Variants in HARS1 observed in about 807,000 individuals in gnomAD.
HARS1 encodes histidine--tRNA ligase, cytoplasmic.
A neutral mutation model predicts 63.6 loss-of-function variants in HARS1; 45 were observed. That is an observed-to-expected ratio of 0.71 (90% CI 0.56 to 0.91). The LOEUF is 0.91. Ranked by LOEUF, HARS1 falls within the 40% of genes least tolerant of loss-of-function variation. The pLI is 0.00. For synonymous variants in HARS1, 205 were observed against 247.1 expected (o/e 0.83, Z 1.60); for missense variants, 508 against 643.2 (o/e 0.79, Z 2.27).
chr5:140,686,506 TG>T (rs1161246074), intron 2 of HARS1, among the ~76,000 whole-genome samples: 1 of 151,918 alleles, frequency 6.6e-6, no homozygotes, highest in African/African-American at 2.4e-5. Context: ...CTCAAAGTGC[TG>T]GGATTACAGG....
intron 11 of HARS1, 34 bp downstream of exon 11, chr5:140,674,981 TAA>T: frequency 1.3e-6 from 2 of 1,507,164 alleles, no homozygotes; most frequent in South Asian, 2.2e-5. Flanking sequence ...CCAGCACACC[TAA>T]GTTTGCTGCC....
chr5:140,686,071 A>G (rs1759008323), intron 2 of HARS1, among the ~76,000 whole-genome samples: 2 of 150,202 alleles, frequency 1.3e-5, no homozygotes, highest in African/African-American at 4.9e-5. Context: ...CTGGGACTAC[A>G]TACAGGCGCG....
chr5:140,690,471 T>C (rs866294455), intron 2 of HARS1, among the ~76,000 whole-genome samples: 2 of 151,956 alleles, frequency 1.3e-5, no homozygotes, highest in Middle Eastern at 3.4e-3. Flanking sequence ...AAAAAATCTG[T>C]GTGGGATTAT....
chr5:140,677,252 T>C, intron 8 of HARS1, 75 bp downstream of exon 8: 2 of 1,394,388 alleles, frequency 1.4e-6, no homozygotes, highest in Non-Finnish European at 2.0e-6. Context: ...CCTACATACA[T>C]AACACAGAAC....
At chr5:140,677,219 A>C (rs369270169) in intron 8 of HARS1, 103 bp from the exon 9 acceptor site, 5 of 1,395,502 alleles carry the variant, frequency 3.6e-6, no homozygotes, top group East Asian at 2.3e-5. Flanking sequence ...GTGTGTGTAC[A>C]TATGCATAGA....
chr5:140,680,692 A>C lies in HARS1; in HGVS notation c.301-809T>G, dbSNP rs372907909. ...AACCCTGTCTCTACTAAAAATACAA[A>C]ATTAGCTGGGGGAGCTGGTAGGCAT... On this transcript the variant is annotated intron_variant, in intron 3 of 12. Coordinates refer to ENST00000504156, the MANE Select transcript of HARS1 (RefSeq NM_002109.6). Among the ~76,000 whole-genome samples the C allele has an allele frequency of 2.4e-4, 36 of 152,130 alleles. No individual in the cohort carries two copies. The East Asian group carries it at 6.2e-3, about 26-fold the overall frequency.
chr5:140,690,804 G>A (rs781740447), intron 2 of HARS1, 51 bp downstream of exon 2: 5 of 1,014,462 alleles, frequency 4.9e-6, no homozygotes, highest in African/African-American at 4.7e-5. Flanking sequence ...TAAGCGCCCC[G>A]TGAGTAGAGT....
At chr5:140,690,722 G>A (rs1759359730) in intron 2 of HARS1, 133 bp downstream of exon 2, 3 of 669,880 alleles carry the variant, frequency 4.5e-6, no homozygotes, top group East Asian at 2.6e-5. Flanking sequence ...CCAGCCCAGC[G>A]CCCAGAGCGA....
intron 1 of HARS1, 104 bp downstream of exon 1, chr5:140,691,111 A>G: frequency 2.0e-6 from 2 of 1,002,256 alleles, no homozygotes; most frequent in East Asian, 2.5e-5. Flanking sequence ...CCTCCCTACA[A>G]GACTGGTCGC....
chr5:140,680,734 G>T (rs996027196), intron 3 of HARS1, among the ~76,000 whole-genome samples: 1 of 151,588 alleles, frequency 6.6e-6, no homozygotes, highest in Non-Finnish European at 1.5e-5. Flanking sequence ...CCAGCTATTC[G>T]GAGGCTTAGG....
intron 2 of HARS1, chr5:140,684,693 C>T (rs1189468143): frequency 6.6e-6 from 1 of 152,206 alleles, no homozygotes; most frequent in African/African-American, 2.4e-5. Flanking sequence ...CCTCTTTACA[C>T]TCTTACTATG....
At chr5:140,684,439 A>G (rs1190659195) in intron 2 of HARS1, 1 of 978,690 alleles carries the variant, frequency 1.0e-6, no homozygotes, top group Non-Finnish European at 1.2e-6. Flanking sequence ...CTCTCCCAAT[A>G]TAACTTTTCT....
At chr5:140,687,691 TAC>T (rs1356844428) in intron 2 of HARS1, 1 of 152,244 alleles carries the variant, frequency 6.6e-6, no homozygotes, top group East Asian at 1.9e-4. Flanking sequence ...TGGCTATTAG[TAC>T]AGTTTAGTGT....
chr5:140,679,088 T>C lies in HARS1; in HGVS notation c.436A>G (p.Asn146Asp), dbSNP rs748323161. 4 of 1,614,082 alleles carry C rather than the reference T, an allele frequency of 2.5e-6. No homozygotes were observed. The highest frequency in any genetic ancestry group is 2.2e-5 in the South Asian group (2 of 91,086). ...ARYLAMNKLT[N>D]IKRYHIAKVY... ...TTTGCTATGTGGTAGCGTTTAATGT[T>C]GGTCAGTTTATTCATTGCCAAATAC... The change falls in exon 5 of 13, where the codon AAC becomes GAC. Residue 146 changes from asparagine to aspartate, a missense_variant. By Grantham distance (23) the Asn-to-Asp change is conservative (BLOSUM62 1). This residue lies in a region of HARS1 where 403 missense variants were observed against 548.7 expected (regional missense o/e 0.73). Transcript: ENST00000504156. The surrounding 1 kb of genome is among the most constrained non-coding windows in gnomAD (Gnocchi z 4.3).
chr5:140,677,548 C>T, intron 7 of HARS1, 107 bp downstream of exon 7: 1 of 1,055,698 alleles, frequency 9.5e-7, no homozygotes, highest in Non-Finnish European at 1.5e-6. Context: ...GGCTAACCTT[C>T]CTCTGGTGGG....
At chr5:140,686,624 T>A (rs1759048985) in intron 2 of HARS1, among the ~76,000 whole-genome samples, 1 of 150,714 alleles carries the variant, frequency 6.6e-6, no homozygotes, top group Non-Finnish European at 1.5e-5. Flanking sequence ...TTTTTTGAGA[T>A]GTAGTTTCAC....
At chr5:140,674,366 T>C in intron 12 of HARS1, 38 bp from the exon 13 acceptor site, 1 of 1,339,742 alleles carries the variant, frequency 7.5e-7, no homozygotes, top group Admixed American at 1.7e-5. Context: ...ATAAGCATCT[T>C]CCATTCCACT....
chr5:140,691,156 C>CT lies in HARS1; in HGVS notation c.90+58dup, dbSNP rs1006876948. On this transcript the variant is annotated intron_variant, in intron 1 of 12. Transcript: ENST00000504156. ...ATCTCTACCCTATGTCCCGAACACC[C>CT]TGGCTTTACGTCCTCCCAGGCTTTG... 36 of 1,321,782 alleles carry CT rather than the reference C, an allele frequency of 2.7e-5. No homozygotes were observed. The African/African-American group carries it at 5.2e-4, about 19-fold the overall frequency. 81.9% of individuals were successfully genotyped at this position (1,321,782 alleles called of 1,614,324 possible).
chr5:140,686,555 T>C (rs1759044380), intron 2 of HARS1, among the ~76,000 whole-genome samples: 1 of 150,926 alleles, frequency 6.6e-6, no homozygotes, highest in African/African-American at 2.4e-5. Context: ...TCTTTAATTA[T>C]TGGGAAGCTG....
Sources: gnomAD v4.1 joint callset for allele counts (sites outside exome capture counted in the v4.1 genomes callset) on GRCh38, gnomAD v4.1.1 for gene constraint, gnomAD v4.1.1 regional missense constraint, Gnocchi (gnomAD v3.1) non-coding constraint, MANE v1.5 for transcripts, NCBI Gene and HGNC (gene_info 2026-07-23, HGNC 2026-07-21) for gene names.